The following CELF2 variants were observed in gnomAD, a reference collection of about 807,000 sequenced individuals.
The protein encoded by CELF2 is CUG triplet repeat RNA-binding protein 2.
In CELF2, 8 loss-of-function variants were observed where a neutral mutation model predicts 62.6. The ratio of observed to expected loss-of-function variants is 0.13; its 90% CI spans 0.07 to 0.23. CELF2 has a LOEUF of 0.23. Among genes scored for constraint, CELF2 ranks in the 10% least tolerant of loss-of-function variants. CELF2 has a pLI of 1.00. For missense variants in CELF2, 333 were observed against 671.0 expected, an observed-to-expected ratio of 0.50 and a Z score of 5.56; for synonymous variants, 258 against 250.0, an observed-to-expected ratio of 1.03 and a Z score of -0.30.
chr10:11,144,973 G>A (rs1473301015), intron 1 of CELF2, among the ~76,000 whole-genome samples: 3 of 150,524 alleles, frequency 2.0e-5, no homozygotes, highest in East Asian at 3.9e-4. Flanking sequence ...GAAAATATGC[G>A]AAGCTGTAAG....
At chr10:10,844,148 A>C (rs552576694) in intron 1 of CELF2, among the ~76,000 whole-genome samples, 2 of 152,108 alleles carry the variant, frequency 1.3e-5, no homozygotes, top group Admixed American at 6.6e-5. Flanking sequence ...CCTCACAAAT[A>C]GAGCTTATCT....
chr10:10,992,678 A>G (rs956304792), intron 2 of CELF2, among the ~76,000 whole-genome samples: 7 of 152,242 alleles, frequency 4.6e-5, no homozygotes, highest in African/African-American at 1.7e-4. Flanking sequence ...AACTAGCAGG[A>G]TCAATAGATG....
chr10:10,980,852 C>T (rs2052004788), intron 2 of CELF2, among the ~76,000 whole-genome samples: 1 of 152,168 alleles, frequency 6.6e-6, no homozygotes, highest in African/African-American at 2.4e-5. Context: ...AGCTCCTGGT[C>T]TCCAGCAATC....
chr10:11,005,306 C>T (rs190510979), upstream of CELF2: 50 of 1,581,446 alleles, frequency 3.2e-5, no homozygotes, highest in East Asian at 5.3e-4. The surrounding 1 kb of genome is among the most constrained non-coding windows in gnomAD (Gnocchi z 4.3). Context: ...GAGGAGAGGG[C>T]GCGTTAGTGA....
the CELF2 span, among the ~76,000 whole-genome samples, chr10:10,478,226 T>C: frequency 3.9e-5 from 6 of 152,138 alleles, no homozygotes; most frequent in South Asian, 2.1e-4. Flanking sequence ...CCAATGCTAT[T>C]TAGTTCTCAA....
Position 11,005,706 on chromosome 10 carries a change from TTG to T in CELF2, c.53+269_53+270del, listed in dbSNP as rs1408362435. ...ATATCATGTATTTGCTCACTGCTAT[TTG>T]TGAGTGGCCAGTGGATAATTTTAAG... On this transcript the variant is annotated intron_variant, in intron 1 of 12. Transcript: ENST00000416382. This position sits in a 1 kb window ranked among gnomAD's most constrained non-coding sequence, Gnocchi z 4.3. Among the ~76,000 whole-genome samples, 1 of 152,188 alleles carries T rather than the reference TTG, an allele frequency of 6.6e-6. No homozygotes were observed. The highest frequency in any genetic ancestry group is 1.5e-5 in the Non-Finnish European group (1 of 68,028).
the CELF2 span, among the ~76,000 whole-genome samples, chr10:10,646,882 A>T: frequency 1.3e-5 from 2 of 152,202 alleles, no homozygotes; most frequent in Non-Finnish European, 2.9e-5. Context: ...AGGGTGAAAC[A>T]GTTTGCCCCA....
intron 1 of CELF2, among the ~76,000 whole-genome samples, chr10:11,158,623 T>G (rs550459809): frequency 2.0e-5 from 3 of 152,280 alleles, no homozygotes; most frequent in African/African-American, 7.2e-5. Context: ...CCAAATTTAC[T>G]TCTTTGTGGG....
chr10:11,049,826 A>G (rs1293917201), intron 1 of CELF2, among the ~76,000 whole-genome samples: 1 of 152,126 alleles, frequency 6.6e-6, no homozygotes, highest in African/African-American at 2.4e-5. Context: ...TACAAAACAC[A>G]CCTTCACAGC....
intron 2 of CELF2, among the ~76,000 whole-genome samples, chr10:10,962,128 A>G (rs1303075118): frequency 1.3e-5 from 2 of 152,054 alleles, no homozygotes; most frequent in African/African-American, 4.8e-5. Flanking sequence ...AGAAGAGAAG[A>G]GGGAGAGGGA....
intron 1 of CELF2, among the ~76,000 whole-genome samples, chr10:11,043,650 CT>C (rs1302668477): frequency 2.6e-5 from 4 of 152,182 alleles, no homozygotes; most frequent in Non-Finnish European, 5.9e-5. Flanking sequence ...CCTCCAGAGG[CT>C]TTGCTTCTCC....
chr10:11,060,844 G>A (rs1331773974), intron 1 of CELF2, among the ~76,000 whole-genome samples: 1 of 152,136 alleles, frequency 6.6e-6, no homozygotes, highest in African/African-American at 2.4e-5. Context: ...TATTGTAATT[G>A]TTTCAGGGTG....
At chr10:10,566,271 G>A in the CELF2 span, among the ~76,000 whole-genome samples, 2 of 151,786 alleles carry the variant, frequency 1.3e-5, no homozygotes, top group Non-Finnish European at 2.9e-5. Context: ...TCAGCACTTT[G>A]CAGGGCTTCC....
Position 10,936,520 on chromosome 10 carries a change from G to A in CELF2, c.89+16521G>A, listed in dbSNP as rs1363212818. ...CACACTGTGTGGGATCACTGGACAA[G>A]CTAACATTTTCTTGGGGTGGATGGA... On this transcript the variant is annotated intron_variant, in intron 2 of 13. Transcript: ENST00000636488. The surrounding 1 kb of genome is among the most constrained non-coding windows in gnomAD (Gnocchi z 4.0). 1 of 152,216 alleles carries A rather than the reference G, an allele frequency of 6.6e-6. No homozygotes were observed. 9.4% of individuals were successfully genotyped at this position (152,216 alleles called of 1,614,324 possible). A position where few individuals can be genotyped will look rare whatever the true frequency, so the allele number is the denominator to read the frequency against.
intron 1 of CELF2, among the ~76,000 whole-genome samples, chr10:10,827,113 G>A (rs1336998702): frequency 6.6e-6 from 1 of 152,074 alleles, no homozygotes; most frequent in African/African-American, 2.4e-5. Context: ...TTGTTTGTTT[G>A]TTTGTTTGTT....
chr10:10,962,225 T>TAGCACCAC (rs542188448), intron 2 of CELF2, among the ~76,000 whole-genome samples: 2 of 152,118 alleles, frequency 1.3e-5, no homozygotes, highest in Admixed American at 6.5e-5. Flanking sequence ...GCAGGTGCCA[T>TAGCACCAC]AGCACCACAG....
the CELF2 span, among the ~76,000 whole-genome samples, chr10:10,587,186 G>C: frequency 6.6e-6 from 1 of 152,186 alleles, no homozygotes; most frequent in Non-Finnish European, 1.5e-5. Flanking sequence ...AGTAGAAGGA[G>C]AAAGCAACAG....
chr10:10,642,695 G>C, the CELF2 span, among the ~76,000 whole-genome samples: 1 of 152,228 alleles, frequency 6.6e-6, no homozygotes, highest in Non-Finnish European at 1.5e-5. Flanking sequence ...TAACAGGCAT[G>C]CTTCCCCTAA....
At chr10:10,689,009 T>TA in the CELF2 span, among the ~76,000 whole-genome samples, 3,317 of 150,310 alleles carry the variant, frequency 0.022, 64 homozygotes, top group African/African-American at 0.058. Flanking sequence ...ATCTCTCTCC[T>TA]AAAAAAAAAG....
Sources: allele counts gnomAD v4.1 joint callset (sites outside exome capture counted in the v4.1 genomes callset), GRCh38; gene constraint gnomAD v4.1.1; non-coding constraint Gnocchi (gnomAD v3.1); transcripts MANE v1.5; gene names NCBI Gene and HGNC (gene_info 2026-07-23, HGNC 2026-07-21).